Variants in TOP2B observed in about 807,000 individuals in gnomAD.
TOP2B encodes DNA topoisomerase 2-beta.
TOP2B carries 51 observed loss-of-function variants against 193.5 expected under a neutral mutation model. That is an observed-to-expected ratio of 0.26 (90% CI 0.21 to 0.33). The LOEUF (loss-of-function observed/expected upper bound fraction) is 0.33. TOP2B is among the 10% of genes least tolerant of loss of function. The pLI, the probability that TOP2B is intolerant of heterozygous loss-of-function variation, is 1.00. For synonymous variants in TOP2B, 634 were observed against 635.7 expected (o/e 1.00, Z 0.04); for missense variants, 1,378 against 1,909.3 (o/e 0.72, Z 5.19).
rs1337488531 is a variant in TOP2B at position 25,598,288 on chromosome 3, G to GTT, written c.*17_*18dup. 1.3e-6 allele frequency: 2 copies of GTT among 1,586,946 alleles called. No individual in the cohort carries two copies. The highest frequency in any genetic ancestry group is 2.7e-5 in the African/African-American group (2 of 74,206). On this transcript the variant is annotated 3_prime_UTR_variant, in exon 36 of 36. Transcript: ENST00000264331. ...CAACACAAGATATTTGTTGAAAAAT[G>GTT]TTTGTGCTCTTTGGGCACTTAATTA...
chr3:25,616,124 T>A (rs1351437696), intron 25 of TOP2B, among the ~76,000 whole-genome samples: 3 of 151,964 alleles, frequency 2.0e-5, no homozygotes, highest in Non-Finnish European at 4.4e-5. Flanking sequence ...ACTTAAGAAT[T>A]TAAGAGTTGG....
At chr3:25,619,627 T>G (rs768106217) in intron 23 of TOP2B, among the ~76,000 whole-genome samples, 1 of 151,764 alleles carries the variant, frequency 6.6e-6, no homozygotes, top group Non-Finnish European at 1.5e-5. Flanking sequence ...GATGTGTGTA[T>G]CCTGTGTTTT....
intron 1 of TOP2B, among the ~76,000 whole-genome samples, chr3:25,651,483 G>A: frequency 6.7e-6 from 1 of 150,130 alleles, no homozygotes; most frequent in Non-Finnish European, 1.5e-5. Flanking sequence ...AAAGAAGGCA[G>A]CAAGGGAAGA....
At chr3:25,607,142 A>G (rs1287469259) in intron 31 of TOP2B, 29 bp downstream of exon 31, 2 of 1,609,530 alleles carry the variant, frequency 1.2e-6, no homozygotes, top group East Asian at 4.5e-5. Flanking sequence ...ACAATTAACT[A>G]TACCACATCA....
At chr3:25,648,067 G>A (rs778027653) in intron 1 of TOP2B, among the ~76,000 whole-genome samples, 28 of 152,208 alleles carry the variant, frequency 1.8e-4, no homozygotes, top group African/African-American at 6.8e-4. Flanking sequence ...TCTCCCTGGG[G>A]AGGAGCAGAA....
rs568754345 is a variant in TOP2B at position 25,625,571 on chromosome 3, T to G, written c.2225-768A>C. Among the ~76,000 whole-genome samples the G allele has an allele frequency of 2.6e-5, 4 of 152,242 alleles. No individual in the cohort carries two copies. In the South Asian group the frequency reaches 8.3e-4, roughly 32 times the overall value. On this transcript the variant is annotated intron_variant, in intron 18 of 35. Coordinates refer to ENST00000264331, the MANE Select transcript of TOP2B (RefSeq NM_001330700.2). The stretch of plus-strand genomic sequence containing the variant: ...TTTTGCGATTATTTTTGTTTTTTGG[T>G]TTTTTTGCAATTATTTTTGTTTTTT...
chr3:25,604,890 C>A lies in TOP2B; in HGVS notation c.4379-20G>T. On this transcript the variant is annotated intron_variant, in intron 32 of 35. Coordinates refer to ENST00000264331, the MANE Select transcript of TOP2B (RefSeq NM_001330700.2). ...CTGAATCTAAAAATTGCAAAGCCTT[C>A]TTTTAGTAAAGAGATGTTATAAAGA... The A allele has an allele frequency of 6.4e-7, 1 of 1,564,336 alleles. No individual in the cohort carries two copies. Among genetic ancestry groups the A allele is most frequent in the Non-Finnish European group, 8.8e-7 (1 of 1,137,160 alleles).
intron 11 of TOP2B, 78 bp downstream of exon 11, chr3:25,630,723 T>G: frequency 7.8e-7 from 1 of 1,283,026 alleles, no homozygotes; most frequent in Non-Finnish European, 1.0e-6. Context: ...TCTAACTATA[T>G]GTAGAAAATA....
At chr3:25,632,855 T>TA (rs1702998576) in intron 8 of TOP2B, 61 bp from the exon 9 acceptor site, 2 of 1,327,910 alleles carry the variant, frequency 1.5e-6, no homozygotes, top group Non-Finnish European at 2.2e-6. Context: ...CAAAATACTT[T>TA]ATCTGTATTA....
At chr3:25,648,915 T>C (rs1703496381) in intron 1 of TOP2B, among the ~76,000 whole-genome samples, 1 of 152,068 alleles carries the variant, frequency 6.6e-6, no homozygotes, top group South Asian at 2.1e-4. Flanking sequence ...TGGAAATATA[T>C]TGTCATACAA....
intron 25 of TOP2B, among the ~76,000 whole-genome samples, chr3:25,616,559 T>C (rs1575567536): frequency 6.6e-6 from 1 of 151,996 alleles, no homozygotes; most frequent in East Asian, 1.9e-4. Flanking sequence ...AACTATAAAT[T>C]TGATTAAGCC....
At chr3:25,631,031 T>G in intron 10 of TOP2B, 92 bp from the exon 11 acceptor site, 1 of 1,174,222 alleles carries the variant, frequency 8.5e-7, no homozygotes, top group Non-Finnish European at 1.1e-6. Flanking sequence ...CTGGAATCTG[T>G]GCAATTTTAA....
chr3:25,615,619 T>C, intron 25 of TOP2B, 33 bp from the exon 26 acceptor site: 1 of 1,414,942 alleles, frequency 7.1e-7, no homozygotes, highest in South Asian at 1.7e-5. Flanking sequence ...TATTAAAGTC[T>C]TGTATAGTAT....
intron 32 of TOP2B, among the ~76,000 whole-genome samples, chr3:25,605,334 G>A (rs1186594075): frequency 1.3e-5 from 2 of 152,038 alleles, no homozygotes; most frequent in African/African-American, 4.8e-5. Context: ...AAGGCAGACA[G>A]GCTTACCTTC....
At chr3:25,655,653 G>A (rs1703721580) in intron 1 of TOP2B, among the ~76,000 whole-genome samples, 1 of 152,136 alleles carries the variant, frequency 6.6e-6, no homozygotes, top group Admixed American at 6.5e-5. Context: ...GTGTATGAAT[G>A]GATTTTTAAA....
At chr3:25,624,995 G>A (rs1702755869) in intron 18 of TOP2B, 192 bp from the exon 19 acceptor site, 1 of 513,582 alleles carries the variant, frequency 1.9e-6, no homozygotes, top group Non-Finnish European at 3.5e-6. Context: ...CCATCTGCAG[G>A]TATATACTAA....
intron 27 of TOP2B, among the ~76,000 whole-genome samples, chr3:25,613,303 G>C (rs975762794): frequency 1.3e-5 from 2 of 151,982 alleles, no homozygotes; most frequent in African/African-American, 4.8e-5. Context: ...AAGGCACAAG[G>C]AAAAAATGAC....
Position 25,626,793 on chromosome 3 carries a change from A to G in TOP2B, c.2088T>C (p.Arg696=), listed in dbSNP as rs775636299. The stretch of plus-strand genomic sequence containing the variant: ...TAACCTCTGGTAAGCCATGTAGCCT[A>G]CGCTGTCTCCGGTCTTCCATAAAAT... ...LTNFMEDRRQ[R]RLHGLPEQFL... The change falls in exon 17 of 36, where the codon CGT becomes CGC. Residue 696 remains arginine, a synonymous_variant. Coordinates refer to ENST00000264331, the MANE Select transcript of TOP2B (RefSeq NM_001330700.2). 5.0e-6 allele frequency: 8 copies of G among 1,609,172 alleles called. No individual in the cohort carries two copies. Among genetic ancestry groups the G allele is most frequent in the Non-Finnish European group, 5.9e-6 (7 of 1,177,800 alleles).
chr3:25,607,881 A>G (rs111397885), intron 30 of TOP2B, among the ~76,000 whole-genome samples: 7 of 152,330 alleles, frequency 4.6e-5, no homozygotes, highest in African/African-American at 1.7e-4. Context: ...TCCTGGGCTC[A>G]AGCAATCCTC....
Sources: gnomAD v4.1 joint callset for allele counts (sites outside exome capture counted in the v4.1 genomes callset) on GRCh38, gnomAD v4.1.1 for gene constraint, MANE v1.5 for transcripts, NCBI Gene and HGNC (gene_info 2026-07-23, HGNC 2026-07-21) for gene names.